The following DEFB116 variants were observed in gnomAD, a reference collection of about 807,000 sequenced individuals.
DEFB116 encodes the protein defensin beta 116, also known as beta-defensin 116.
Under a neutral mutation model 2.8 loss-of-function variants are expected in DEFB116, and 5 were observed. The observed-to-expected ratio is 1.80, with a 90% CI of 0.94 to 3.79. The LOEUF is 3.79. Among genes scored for constraint, DEFB116 ranks in the 30% most tolerant of loss-of-function variants. The pLI, the probability that DEFB116 is intolerant of heterozygous loss-of-function variation, is 0.00. For missense variants in DEFB116, 170 were observed against 118.0 expected (o/e 1.44, Z -2.04); for synonymous variants, 56 against 40.8 (o/e 1.37, Z -1.42).
chr20:31,307,010 T>C (rs1462425770), intron 1 of DEFB116, among the ~76,000 whole-genome samples: 1 of 152,160 alleles, frequency 6.6e-6, no homozygotes, highest in African/African-American at 2.4e-5. Flanking sequence ...CATTTCCTTA[T>C]TTAAATCACT....
intron 1 of DEFB116, among the ~76,000 whole-genome samples, chr20:31,307,377 A>G (rs1985014537): frequency 6.6e-6 from 1 of 152,158 alleles, no homozygotes; most frequent in Non-Finnish European, 1.5e-5. Context: ...CAAAATAATA[A>G]AATTGGATAT....
chr20:31,305,446 C>A (rs1984972294), intron 1 of DEFB116, among the ~76,000 whole-genome samples: 1 of 151,904 alleles, frequency 6.6e-6, no homozygotes, highest in South Asian at 2.1e-4. Flanking sequence ...CAAGGCCACC[C>A]CAAGAGGATT....
At chr20:31,304,936 T>C (rs555997408) in intron 1 of DEFB116, among the ~76,000 whole-genome samples, 1 of 152,128 alleles carries the variant, frequency 6.6e-6, no homozygotes, top group Admixed American at 6.6e-5. Flanking sequence ...AAATGCCCAA[T>C]TTTAGGTGAA....
At chr20:31,306,903 C>A (rs887464587) in intron 1 of DEFB116, among the ~76,000 whole-genome samples, 12 of 152,134 alleles carry the variant, frequency 7.9e-5, no homozygotes, top group Admixed American at 2.6e-4. Context: ...ACAGTCACAT[C>A]TATTGTTCTT....
rs575797492 is a variant in DEFB116 at position 31,303,461 on chromosome 20, A to G, written c.68-8T>C. ...GGGATCTGAACAGGCCACCTGGGAAAGACATGGCCATGTTTAGTTTCCATG... is the reference window on the plus strand; with the variant it reads ...GGGATCTGAACAGGCCACCTGGGAAGGACATGGCCATGTTTAGTTTCCATG... On this transcript the variant is annotated splice_polypyrimidine_tract_variant and splice_region_variant and intron_variant, in intron 1 of 1. Coordinates refer to ENST00000400549, the MANE Select transcript of DEFB116 (RefSeq NM_001037731.1). 6.2e-7 allele frequency: 1 copy of G among 1,612,650 alleles called. No homozygotes were observed. The highest frequency in any genetic ancestry group is 8.5e-7 in the Non-Finnish European group (1 of 1,179,250).
intron 1 of DEFB116, among the ~76,000 whole-genome samples, chr20:31,305,747 C>T (rs1185596857): frequency 6.6e-6 from 1 of 151,890 alleles, no homozygotes; most frequent in Non-Finnish European, 1.5e-5. Flanking sequence ...GGAGACTTTG[C>T]ACCAAATTAG....
At chr20:31,303,505 G>T (rs1244018978) in intron 1 of DEFB116, 52 bp from the exon 2 acceptor site, 2 of 1,595,656 alleles carry the variant, frequency 1.3e-6, no homozygotes, top group African/African-American at 2.7e-5. Flanking sequence ...ATAATAGGGT[G>T]ATGAAGCATG....
At chr20:31,308,407 G>T (rs1985044505) in intron 1 of DEFB116, 112 bp downstream of exon 1, 1 of 1,020,586 alleles carries the variant, frequency 9.8e-7, no homozygotes, top group Non-Finnish European at 1.5e-6. Flanking sequence ...CCTGAGACCA[G>T]AAAAGGCTTT....
intron 1 of DEFB116, among the ~76,000 whole-genome samples, chr20:31,306,727 C>G (rs562479419): frequency 3.9e-5 from 6 of 151,984 alleles, no homozygotes; most frequent in Non-Finnish European, 8.8e-5. Context: ...GGAGGAGAAA[C>G]CTCTAGATCA....
chr20:31,308,239 A>G (rs942058985), intron 1 of DEFB116, among the ~76,000 whole-genome samples: 2 of 152,058 alleles, frequency 1.3e-5, no homozygotes, highest in Admixed American at 6.6e-5. Context: ...CTAACTCATG[A>G]ATTAAGCCCC....
In DEFB116 at chr20:31,303,227, G is replaced by C; in HGVS notation, c.294C>G (p.Ser98Arg). 1.9e-6 allele frequency: 3 copies of C among 1,613,410 alleles called. No homozygotes were observed. The highest frequency in any genetic ancestry group is 2.5e-6 in the Non-Finnish European group (3 of 1,179,484). Reference protein sequence around the residue: ...NSNLSVTNSSSYSHI With the variant: ...NSNLSVTNSSRYSHI ...TTGGTGATATTCAAATGTGAGAGTA[G>C]CTTGAACTGTTTGTAACTGACAAGT... is the stretch of plus-strand genomic sequence containing the variant. The change falls in exon 2 of 2, where the codon AGC becomes AGG. Residue 98 changes from serine to arginine, a missense_variant. Ser to Arg is a moderately radical substitution (Grantham distance 110). Transcript: ENST00000400549.
At chr20:31,303,759 T>G (rs1457107521) in intron 1 of DEFB116, among the ~76,000 whole-genome samples, 1 of 152,114 alleles carries the variant, frequency 6.6e-6, no homozygotes, top group Non-Finnish European at 1.5e-5. Context: ...ACATAACAAG[T>G]AATTGAATAT....
chr20:31,307,957 G>A (rs1985031740), intron 1 of DEFB116, among the ~76,000 whole-genome samples: 1 of 151,690 alleles, frequency 6.6e-6, no homozygotes, highest in Non-Finnish European at 1.5e-5. Context: ...ACACAACCCA[G>A]CTACAAACCT....
intron 1 of DEFB116, among the ~76,000 whole-genome samples, chr20:31,307,813 G>A (rs1479971717): frequency 2.0e-5 from 3 of 151,874 alleles, no homozygotes. Context: ...GACTGAATAA[G>A]ATACCCACTT....
rs368326400 is a variant in DEFB116 at position 31,308,508 on chromosome 20, G to A, written c.67+11C>T. 17 of 1,613,160 alleles carry A rather than the reference G, an allele frequency of 1.1e-5. No individual in the cohort carries two copies. The highest frequency in any genetic ancestry group is 2.2e-5 in the South Asian group (2 of 91,064). On this transcript the variant is annotated intron_variant, in intron 1 of 1. Transcript: ENST00000400549. ...CAAGACGCCAGAACCTTTGAGAGAG[G>A]CCTGAGTTACCTGGAGTCTTTTGAG...
At chr20:31,304,974 A>G (rs1309679683) in intron 1 of DEFB116, among the ~76,000 whole-genome samples, 1 of 152,128 alleles carries the variant, frequency 6.6e-6, no homozygotes, top group African/African-American at 2.4e-5. Context: ...GAAATAAAGA[A>G]GAGGGAAATG....
At chr20:31,303,513 A>G in intron 1 of DEFB116, 60 bp from the exon 2 acceptor site, 3 of 1,592,482 alleles carry the variant, frequency 1.9e-6, no homozygotes, top group Non-Finnish European at 8.5e-7. Context: ...GTGATGAAGC[A>G]TGATTTAAAG....
chr20:31,303,682 G>GCC (rs1234575884), intron 1 of DEFB116, among the ~76,000 whole-genome samples: 1 of 152,058 alleles, frequency 6.6e-6, no homozygotes, highest in African/African-American at 2.4e-5. Flanking sequence ...AAATAATAGA[G>GCC]CCAAGTTCCT....
chr20:31,305,625 C>T (rs184424117), intron 1 of DEFB116, among the ~76,000 whole-genome samples: 13 of 152,016 alleles, frequency 8.6e-5, no homozygotes, highest in Non-Finnish European at 1.3e-4. Context: ...CTCCATCTTC[C>T]GATTGAAGTC....
Sources: gnomAD v4.1 joint callset for allele counts (sites outside exome capture counted in the v4.1 genomes callset) on GRCh38, gnomAD v4.1.1 for gene constraint, MANE v1.5 for transcripts, NCBI Gene and HGNC (gene_info 2026-07-23, HGNC 2026-07-21) for gene names.